The following RASSF2 variants were observed in gnomAD, a reference collection of about 807,000 sequenced individuals.
RASSF2 encodes ras association domain-containing protein 2.
Under a neutral mutation model 46.3 loss-of-function variants are expected in RASSF2, and 34 were observed. That is an observed-to-expected ratio of 0.73 (90% CI 0.56 to 0.98). RASSF2 has a LOEUF of 0.98. Among genes scored for constraint, RASSF2 ranks in the 50% least tolerant of loss-of-function variants. The pLI is 0.00. For missense variants in RASSF2, 364 were observed against 431.2 expected (o/e 0.84, Z 1.38); for synonymous variants, 158 against 162.5 (o/e 0.97, Z 0.21).
chr20:4,786,506 G>A (rs888187881), intron 10 of RASSF2, among the ~76,000 whole-genome samples, 178 bp from the exon 11 acceptor site: 1 of 152,210 alleles, frequency 6.6e-6, no homozygotes, highest in Non-Finnish European at 1.5e-5. Context: ...AGGAGTCTGC[G>A]ATGATCGCTT....
In RASSF2 at chr20:4,781,781, C is replaced by G. The variant is rs1924849533; in HGVS notation, c.*2492G>C. The stretch of plus-strand genomic sequence containing the variant: ...CTATAAACTGGTCTTTTGTCCTTTA[C>G]ACAATTTCAGGTTCATTGCACGCAA... On this transcript the variant is annotated 3_prime_UTR_variant, in exon 12 of 12. Transcript: ENST00000379400. 1 of 152,206 alleles carries G rather than the reference C, an allele frequency of 6.6e-6. No individual in the cohort carries two copies. Among genetic ancestry groups the G allele is most frequent in the African/African-American group, 2.4e-5 (1 of 41,454 alleles). The allele number at this position is 152,206 out of a possible 1,614,324, so 9.4% of individuals were successfully genotyped here. A position where few individuals can be genotyped will look rare whatever the true frequency, so the allele number is the denominator to read the frequency against.
intron 2 of RASSF2, among the ~76,000 whole-genome samples, chr20:4,811,489 C>T (rs1430946951): frequency 6.6e-6 from 1 of 152,182 alleles, no homozygotes; most frequent in Non-Finnish European, 1.5e-5. Context: ...GGGCTGAGCG[C>T]CACTGTGGAA....
intron 11 of RASSF2, among the ~76,000 whole-genome samples, chr20:4,784,985 G>C (rs887287013): frequency 1.1e-4 from 17 of 152,022 alleles, no homozygotes; most frequent in Admixed American, 9.8e-4. Context: ...TCAGGGATTT[G>C]TGCTGCACAG....
intron 6 of RASSF2, among the ~76,000 whole-genome samples, chr20:4,792,256 AGGAGG>A (rs376549381): frequency 0.51 from 18,177 of 35,372 alleles, 4,254 homozygotes; most frequent in African/African-American, 0.58. Context: ...GGAAGGGGAG[AGGAGG>A]GGAGGGGAGG....
At chr20:4,793,649 A>T (rs866572835) in intron 5 of RASSF2, among the ~76,000 whole-genome samples, 1,494 of 147,486 alleles carry the variant, frequency 0.01, 18 homozygotes, top group African/African-American at 0.034. Context: ...TTTTTTTTTT[A>T]TTTTATTTTT....
intron 2 of RASSF2, among the ~76,000 whole-genome samples, chr20:4,818,579 G>C (rs1312755674): frequency 2.0e-5 from 3 of 152,060 alleles, no homozygotes; most frequent in Non-Finnish European, 4.4e-5. Flanking sequence ...AGCCATAGTG[G>C]GAATATTTAT....
At chr20:4,785,819 C>T (rs1461446907) in intron 11 of RASSF2, among the ~76,000 whole-genome samples, 2 of 152,128 alleles carry the variant, frequency 1.3e-5, no homozygotes, top group Non-Finnish European at 2.9e-5. Context: ...GCAAATAGTC[C>T]CTTCTTCAAA....
chr20:4,789,625 C>G lies in RASSF2; in HGVS notation c.610G>C (p.Val204Leu). The G allele has an allele frequency of 6.2e-7, 1 of 1,614,142 alleles. No individual in the cohort carries two copies. ...AATTTGTTGAGCAGCAGCTTCAGGA[C>G]CTGTGGGGTGGTCATGGTGCTGTTG... ...RINSTMTTPQ[V>L]LKLLLNKFKI... The change falls in exon 8 of 12, where the codon GTC becomes CTC. Residue 204 changes from valine (V) to leucine (L), a missense_variant. Val to Leu is a conservative substitution (Grantham distance 32, BLOSUM62 1). Transcript: ENST00000379400.
chr20:4,792,742 C>A, intron 5 of RASSF2, 115 bp from the exon 6 acceptor site: 1 of 1,471,302 alleles, frequency 6.8e-7, no homozygotes, highest in Non-Finnish European at 9.0e-7. Flanking sequence ...TAGTGCCAGG[C>A]TGGGTACTGG....
chr20:4,823,041 G>C (rs1329667445), intron 1 of RASSF2, among the ~76,000 whole-genome samples: 1 of 152,234 alleles, frequency 6.6e-6, no homozygotes, highest in African/African-American at 2.4e-5. Context: ...AACTTTCTTC[G>C]GACCCAAGGC....
chr20:4,785,960 A>G (rs563817711), intron 11 of RASSF2, among the ~76,000 whole-genome samples: 1 of 152,154 alleles, frequency 6.6e-6, no homozygotes, highest in South Asian at 2.1e-4. Flanking sequence ...TTAAACCAAC[A>G]CCTTCTTTTC....
intron 2 of RASSF2, among the ~76,000 whole-genome samples, chr20:4,807,717 C>A (rs566523549): frequency 4.0e-4 from 61 of 152,326 alleles, no homozygotes; most frequent in Non-Finnish European, 7.8e-4. Context: ...GGTCATGTTG[C>A]CCCATCTTTG....
At chr20:4,811,616 C>A (rs7263744) in intron 2 of RASSF2, among the ~76,000 whole-genome samples, 25,158 of 152,016 alleles carry the variant, frequency 0.17, 3,650 homozygotes, top group African/African-American at 0.39. Flanking sequence ...GTATTTAGCA[C>A]CCTCTCCCTA....
chr20:4,786,403 AC>A, intron 10 of RASSF2, 75 bp from the exon 11 acceptor site: 1 of 1,245,432 alleles, frequency 8.0e-7, no homozygotes, highest in African/African-American at 1.5e-5. Context: ...TTGTCCTTAT[AC>A]AAGGCACAAA....
rs1568562092 is a variant in RASSF2 at position 4,786,280 on chromosome 20, GAA to G, written c.860_861del (p.Ile287ThrfsTer63). On this transcript the variant is annotated frameshift_variant, in exon 11 of 12. Transcript: ENST00000379400. LOFTEE classifies it high-confidence loss of function. ...KFEMPVLKSF[I>X]QKLQEEEDRE... ...CGATCTTCTTCCTCCTGGAGCTTCT[GAA>G]TGAAGCTTTTAAGTACCGGCATCTC... is the stretch of plus-strand genomic sequence containing the variant. The G allele has an allele frequency of 3.1e-6, 5 of 1,613,630 alleles. No homozygotes were observed. In the South Asian group the frequency reaches 5.5e-5, roughly 18 times the overall value.
In RASSF2 at chr20:4,814,456, G is replaced by T. The variant is rs529419247; in HGVS notation, c.-33+7873C>A. 3.9e-5 allele frequency among the ~76,000 whole-genome samples: 6 copies of T among 152,286 alleles called. No individual in the cohort carries two copies. The South Asian group carries it at 1.2e-3, about 32-fold the overall frequency. On this transcript the variant is annotated intron_variant, in intron 2 of 11. Transcript: ENST00000379400. ...GCATTCTTCCTTTTTTGGTGCTATA[G>T]GCTGAGACTCTGAGCTCTGTGTGCG...
chr20:4,806,158 C>T (rs185607597), intron 2 of RASSF2, among the ~76,000 whole-genome samples: 1 of 152,110 alleles, frequency 6.6e-6, no homozygotes, highest in East Asian at 1.9e-4. Context: ...AGACATGGTA[C>T]CAAGGAAGCC....
chr20:4,802,287 A>G (rs1459681451), intron 2 of RASSF2, among the ~76,000 whole-genome samples: 4 of 152,092 alleles, frequency 2.6e-5, no homozygotes. Flanking sequence ...GGTGTTTAGC[A>G]GCATCTCTGG....
chr20:4,785,461 G>A (rs963877892), intron 11 of RASSF2, among the ~76,000 whole-genome samples: 1 of 152,152 alleles, frequency 6.6e-6, no homozygotes, highest in African/African-American at 2.4e-5. Context: ...ATTCTCCAGT[G>A]GCAAAAATGA....
Sources: allele counts gnomAD v4.1 joint callset (sites outside exome capture counted in the v4.1 genomes callset), GRCh38; gene constraint gnomAD v4.1.1; transcripts MANE v1.5; gene names NCBI Gene and HGNC (gene_info 2026-07-23, HGNC 2026-07-21).